CIB4: variants seen among roughly 807,000 people sequenced by gnomAD.
The protein encoded by CIB4 is calcium and integrin binding family member 4.
CIB4 carries 25 observed loss-of-function variants against 25.8 expected under a neutral mutation model. That is an observed-to-expected ratio of 0.97 (90% CI 0.71 to 1.35). The LOEUF is 1.35. Among genes scored for constraint, CIB4 ranks in the 40% most tolerant of loss-of-function variants. The pLI, the probability that CIB4 is intolerant of heterozygous loss-of-function variation, is 0.00. For missense variants in CIB4, 235 were observed against 228.2 expected (o/e 1.03, Z -0.19); for synonymous variants, 75 against 81.4 (o/e 0.92, Z 0.42).
In CIB4 at chr2:26,581,308, G is replaced by T. The variant is rs531721092; in HGVS notation, c.*55C>A. ...ACCAGCTCCCTCCAGTGCTGGAGGG[G>T]GTTCGATTCCTGTGGTCTCCCTCGA... On this transcript the variant is annotated 3_prime_UTR_variant, in exon 7 of 7. Coordinates refer to ENST00000288861, the MANE Select transcript of CIB4 (RefSeq NM_001029881.3). The T allele has an allele frequency of 9.5e-6, 14 of 1,476,420 alleles. No homozygotes were observed. The highest frequency in any genetic ancestry group is 1.7e-4 in the Middle Eastern group (1 of 5,848). The allele number at this position is 1,476,420 out of a possible 1,614,324, so 91.5% of individuals were successfully genotyped here. A position where few individuals can be genotyped will look rare whatever the true frequency, so the allele number is the denominator to read the frequency against.
chr2:26,588,980 T>TCTTCTTCTTCTTCTC (rs1668509133), intron 4 of CIB4, among the ~76,000 whole-genome samples: 1 of 13,100 alleles, frequency 7.6e-5, no homozygotes, highest in Admixed American at 7.2e-4. Flanking sequence ...GCTTCTTCTT[T>TCTTCTTCTTCTTCTC]CTTCTTCTTC....
intron 4 of CIB4, among the ~76,000 whole-genome samples, 180 bp downstream of exon 4, chr2:26,594,996 C>T (rs901639315): frequency 7.9e-5 from 12 of 151,912 alleles, no homozygotes; most frequent in African/African-American, 2.9e-4. Flanking sequence ...TCCATTGATG[C>T]TGTCATTCTC....
chr2:26,633,169 C>A (rs1163378495), intron 2 of CIB4, among the ~76,000 whole-genome samples: 1 of 152,200 alleles, frequency 6.6e-6, no homozygotes, highest in East Asian at 1.9e-4. Context: ...ATACAAACAC[C>A]AAAGCTCGTT....
chr2:26,584,076 G>A (rs1249123853), intron 4 of CIB4, among the ~76,000 whole-genome samples, 178 bp from the exon 5 acceptor site: 2 of 152,252 alleles, frequency 1.3e-5, no homozygotes, highest in Admixed American at 6.5e-5. Context: ...TAAATAACCC[G>A]TCGGAAATAC....
chr2:26,590,722 T>G (rs1215508915), intron 4 of CIB4, among the ~76,000 whole-genome samples: 1 of 152,240 alleles, frequency 6.6e-6, no homozygotes, highest in African/African-American at 2.4e-5. Flanking sequence ...AATTCAGGGT[T>G]GTCTGAGTCT....
At chr2:26,594,309 A>C (rs1243862566) in intron 4 of CIB4, among the ~76,000 whole-genome samples, 1 of 152,202 alleles carries the variant, frequency 6.6e-6, no homozygotes, top group Admixed American at 6.5e-5. Context: ...CTGAGGACAT[A>C]TGAGATAAAA....
intron 3 of CIB4, among the ~76,000 whole-genome samples, chr2:26,611,231 G>A (rs138671722): frequency 5.3e-5 from 8 of 152,320 alleles, no homozygotes; most frequent in African/African-American, 1.9e-4. Flanking sequence ...CCTAGCCTTC[G>A]GGCTGCAGGG....
intron 6 of CIB4, 84 bp downstream of exon 6, chr2:26,582,741 G>A (rs1668370587): frequency 1.4e-6 from 1 of 739,014 alleles, no homozygotes; most frequent in East Asian, 2.5e-5. Flanking sequence ...AGACTGAGAT[G>A]TCCCATGGAG....
intron 2 of CIB4, among the ~76,000 whole-genome samples, chr2:26,638,773 T>C (rs1275926): frequency 0.91 from 138,709 of 152,190 alleles, 63,263 homozygotes; most frequent in East Asian, 1. Flanking sequence ...GCCAACATGG[T>C]GAAACCCTAT....
At chr2:26,618,263 G>T (rs946062091) in intron 3 of CIB4, among the ~76,000 whole-genome samples, 3 of 152,096 alleles carry the variant, frequency 2.0e-5, no homozygotes, top group Non-Finnish European at 1.5e-5. Flanking sequence ...CTCCAGCCCA[G>T]GTCTCTGCAA....
chr2:26,587,719 G>A (rs916054541), intron 4 of CIB4, among the ~76,000 whole-genome samples: 13 of 152,152 alleles, frequency 8.5e-5, no homozygotes, highest in African/African-American at 2.9e-4. Flanking sequence ...CTATAACTTA[G>A]TATAGTTATA....
intron 3 of CIB4, among the ~76,000 whole-genome samples, chr2:26,621,262 A>AC (rs1398408447): frequency 3.3e-5 from 5 of 151,706 alleles, no homozygotes; most frequent in Non-Finnish European, 5.9e-5. Flanking sequence ...GAAAAAAAAA[A>AC]AAAAAAAAAC....
intron 4 of CIB4, among the ~76,000 whole-genome samples, chr2:26,585,359 C>T (rs926386389): frequency 3.3e-5 from 5 of 151,892 alleles, no homozygotes; most frequent in Non-Finnish European, 7.4e-5. Flanking sequence ...GCAGAGGGTG[C>T]GGGGAGGGCC....
At chr2:26,604,378 T>C (rs752273364) in intron 3 of CIB4, among the ~76,000 whole-genome samples, 10 of 151,916 alleles carry the variant, frequency 6.6e-5, no homozygotes, top group Non-Finnish European at 8.8e-5. Context: ...AGACCCTGTT[T>C]AAAAAATATA....
In CIB4 at chr2:26,612,178, G is replaced by A. The variant is rs191223578; in HGVS notation, c.187-16861C>T. 3.9e-4 allele frequency among the ~76,000 whole-genome samples: 59 copies of A among 152,340 alleles called. 1 individual carries two copies. In the East Asian group the frequency reaches 0.011, roughly 28 times the overall value. On this transcript the variant is annotated intron_variant, in intron 3 of 6. Coordinates refer to ENST00000288861, the MANE Select transcript of CIB4 (RefSeq NM_001029881.3). ...CTCTGCAGGGCAAGGGCTGAACCCA[G>A]GCAGAGCTGAACTCCTGGCTCCCAG...
At chr2:26,602,470 A>C (rs1668811076) in intron 3 of CIB4, among the ~76,000 whole-genome samples, 1 of 152,228 alleles carries the variant, frequency 6.6e-6, no homozygotes, top group Non-Finnish European at 1.5e-5. Context: ...GTTATAAGTA[A>C]GATAAAATAA....
intron 4 of CIB4, among the ~76,000 whole-genome samples, 167 bp downstream of exon 4, chr2:26,595,009 T>C (rs951382173): frequency 6.6e-6 from 1 of 151,354 alleles, no homozygotes; most frequent in African/African-American, 2.5e-5. Context: ...TCATTCTCAA[T>C]CTTTTTTTTT....
intron 4 of CIB4, among the ~76,000 whole-genome samples, chr2:26,589,975 CA>C (rs1376884724): frequency 3.3e-5 from 5 of 152,108 alleles, no homozygotes; most frequent in African/African-American, 1.2e-4. Flanking sequence ...CGACTGTTGG[CA>C]GAACAGGAAG....
intron 3 of CIB4, among the ~76,000 whole-genome samples, chr2:26,615,452 G>A (rs925231995): frequency 1.3e-5 from 2 of 152,202 alleles, no homozygotes; most frequent in East Asian, 1.9e-4. Context: ...CCCCTGGCGT[G>A]AGATTAGAGC....
Sources: allele counts gnomAD v4.1 joint callset (sites outside exome capture counted in the v4.1 genomes callset), GRCh38; gene constraint gnomAD v4.1.1; transcripts MANE v1.5; gene names NCBI Gene and HGNC (gene_info 2026-07-23, HGNC 2026-07-21).